The following GLDC variants were observed in gnomAD, a reference collection of about 807,000 sequenced individuals.
The protein encoded by GLDC is glycine dehydrogenase (decarboxylating), mitochondrial.
Under a neutral mutation model 121.3 loss-of-function variants are expected in GLDC, and 104 were observed. The observed-to-expected ratio is 0.86, with a 90% confidence interval of 0.73 to 1.01. The LOEUF (loss-of-function observed/expected upper bound fraction) is 1.01. Among genes scored for constraint, GLDC ranks in the 50% least tolerant of loss-of-function variants. The pLI is 0.00. For missense variants in GLDC, 1,429 were observed against 1,306.6 expected (o/e 1.09, Z -1.44); for synonymous variants, 546 against 480.6 (o/e 1.14, Z -1.78).
intron 21 of GLDC, chr9:6,541,943 A>T (rs1817273364): frequency 6.6e-6 from 1 of 151,860 alleles, no homozygotes; most frequent in Non-Finnish European, 1.5e-5. Context: ...AAAAAACTTC[A>T]AAAACATTGA....
chr9:6,588,257 G>A, intron 14 of GLDC, 144 bp downstream of exon 14: 2 of 753,164 alleles, frequency 2.7e-6, no homozygotes, highest in Non-Finnish European at 4.9e-6. Context: ...TCCCAAGATT[G>A]GTGAATAGCA....
intron 21 of GLDC, 140 bp downstream of exon 21, chr9:6,550,663 T>C (rs935973819): frequency 1.4e-6 from 1 of 712,386 alleles, no homozygotes; most frequent in Non-Finnish European, 2.6e-6. Context: ...ACCCGAGTTA[T>C]TTCCAAGAAC....
At chr9:6,576,713 T>A (rs1818072903) in intron 15 of GLDC, among the ~76,000 whole-genome samples, 1 of 152,190 alleles carries the variant, frequency 6.6e-6, no homozygotes, top group African/African-American at 2.4e-5. Flanking sequence ...GTGATCCGCC[T>A]GCCTCGGCCT....
chr9:6,568,322 G>C (rs1325807969), intron 15 of GLDC, among the ~76,000 whole-genome samples: 2 of 152,202 alleles, frequency 1.3e-5, no homozygotes, highest in Non-Finnish European at 2.9e-5. Flanking sequence ...CAAATTGTTA[G>C]TGCCACCTGT....
chr9:6,555,183 T>C (rs10815443), intron 18 of GLDC, among the ~76,000 whole-genome samples: 50,855 of 152,024 alleles, frequency 0.33, 9,028 homozygotes, highest in Admixed American at 0.39. Flanking sequence ...TGGTCGGCTT[T>C]AGTATGATGC....
intron 7 of GLDC, among the ~76,000 whole-genome samples, chr9:6,603,456 A>T (rs1001095423): frequency 2.6e-5 from 4 of 150,990 alleles, no homozygotes; most frequent in African/African-American, 4.9e-5. Context: ...CAAAAAATTT[A>T]AAAAATTAGT....
Position 6,533,205 on chromosome 9 carries a change from G to T in GLDC, c.2920-45C>A, listed in dbSNP as rs201262788. On this transcript the variant is annotated intron_variant, in intron 24 of 24. Transcript: ENST00000321612. ...GAAATGCTGTGAGATGTTCTGGGAGGTTTCTCTTAGGGCAAAGGAGGTGGC... is the reference window on the plus strand; with the variant it reads ...GAAATGCTGTGAGATGTTCTGGGAGTTTTCTCTTAGGGCAAAGGAGGTGGC... 1.6e-5 allele frequency: 26 copies of T among 1,587,134 alleles called. No homozygotes were observed. In the East Asian group the frequency reaches 5.4e-4, roughly 33 times the overall value.
chr9:6,606,259 A>G, intron 5 of GLDC: 1 of 329,162 alleles, frequency 3.0e-6, no homozygotes, highest in Non-Finnish European at 5.6e-6. Context: ...CAGTGAGCCT[A>G]GGTTCCCTCA....
intron 16 of GLDC, among the ~76,000 whole-genome samples, chr9:6,564,120 T>C (rs919778319): frequency 2.6e-5 from 4 of 151,964 alleles, no homozygotes; most frequent in African/African-American, 7.3e-5. Flanking sequence ...TGGTGGCGCA[T>C]GCCTGTAATC....
intron 2 of GLDC, among the ~76,000 whole-genome samples, chr9:6,627,286 A>T (rs1216479885): frequency 8.3e-6 from 1 of 121,174 alleles, no homozygotes; most frequent in Non-Finnish European, 1.6e-5. Context: ...ACAGAACGAG[A>T]CTCCATCTCA....
rs147868538 is a variant in GLDC at position 6,606,795 on chromosome 9, G to A, written c.636-126C>T. On this transcript the variant is annotated intron_variant, in intron 4 of 24. Transcript: ENST00000321612. ...CAGTATAAAAAATACTGAGTAGGCC[G>A]GGTGCGGTGGCTCACGCCTGTAATC... 950 of 727,628 alleles carry A rather than the reference G, an allele frequency of 1.3e-3. 4 individuals are homozygous for A. In the African/African-American group the frequency reaches 0.014, roughly 11 times the overall value. The allele number at this position is 727,628 out of a possible 1,614,324, so 45.1% of individuals were successfully genotyped here.
intron 21 of GLDC, among the ~76,000 whole-genome samples, chr9:6,548,088 G>A (rs1323987767): frequency 6.6e-6 from 1 of 152,130 alleles, no homozygotes; most frequent in African/African-American, 2.4e-5. Flanking sequence ...GCAATGAGCT[G>A]CCATGGCACC....
intron 9 of GLDC, among the ~76,000 whole-genome samples, chr9:6,594,587 T>G (rs1818450847): frequency 6.6e-6 from 1 of 151,980 alleles, no homozygotes; most frequent in Non-Finnish European, 1.5e-5. Flanking sequence ...CCCAGTTACC[T>G]GAGAGGCTGA....
At chr9:6,535,712 T>C (rs999066355) in intron 23 of GLDC, among the ~76,000 whole-genome samples, 2 of 152,214 alleles carry the variant, frequency 1.3e-5, no homozygotes, top group African/African-American at 4.8e-5. Flanking sequence ...TTCTCAGAGA[T>C]AACTGCTCTA....
intron 2 of GLDC, among the ~76,000 whole-genome samples, chr9:6,638,687 C>T (rs1416258745): frequency 6.6e-6 from 1 of 152,206 alleles, no homozygotes; most frequent in Non-Finnish European, 1.5e-5. Context: ...AAGATGTAAG[C>T]CCCTTGGAGA....
At chr9:6,620,649 C>T (rs111576097) in intron 2 of GLDC, among the ~76,000 whole-genome samples, 94 of 152,212 alleles carry the variant, frequency 6.2e-4, no homozygotes, top group African/African-American at 1.9e-3. Flanking sequence ...GCTGTATATA[C>T]GCTAAATAAA....
At chr9:6,599,078 G>C (rs1355531675) in intron 8 of GLDC, among the ~76,000 whole-genome samples, 2 of 151,996 alleles carry the variant, frequency 1.3e-5, no homozygotes, top group Admixed American at 6.6e-5. Flanking sequence ...CAGCTACTCA[G>C]GAGGCTGAGG....
In GLDC at chr9:6,606,746, T is replaced by C. The variant is rs10975681; in HGVS notation, c.636-77A>G. 247,149 of 872,006 alleles carry C rather than the reference T, an allele frequency of 0.28. 36,023 individuals are homozygous for C. The highest frequency in any genetic ancestry group is 0.36 in the African/African-American group (22,013 of 60,394). 54.0% of individuals were successfully genotyped at this position (872,006 alleles called of 1,614,324 possible). ...ATCTTCTAAGAACGCAAAGCAAACA[T>C]AGTACCGAGGGTAAGTCTAAGCACA... On this transcript the variant is annotated intron_variant, in intron 4 of 24. Coordinates refer to ENST00000321612, the MANE Select transcript of GLDC (RefSeq NM_000170.3).
intron 2 of GLDC, among the ~76,000 whole-genome samples, chr9:6,620,906 A>G (rs1819078236): frequency 6.6e-6 from 1 of 152,190 alleles, no homozygotes; most frequent in East Asian, 1.9e-4. Flanking sequence ...AGTGGCTCAC[A>G]CCTGCAATCC....
Sources: gnomAD v4.1 joint callset for allele counts (sites outside exome capture counted in the v4.1 genomes callset) on GRCh38, gnomAD v4.1.1 for gene constraint, MANE v1.5 for transcripts, NCBI Gene and HGNC (gene_info 2026-07-23, HGNC 2026-07-21) for gene names.